Variants in NAV3 observed in about 807,000 individuals in gnomAD.
The protein encoded by NAV3 is neuron navigator 3.
In NAV3, 87 loss-of-function variants were observed where a neutral mutation model predicts 244.7. The ratio of observed to expected loss-of-function variants is 0.36; its 90% CI spans 0.30 to 0.42. The LOEUF is 0.42. Ranked by LOEUF, NAV3 falls within the 20% of genes least tolerant of loss-of-function variation. The pLI is 1.00. For synonymous variants in NAV3, 1,126 were observed against 1,042.2 expected (o/e 1.08, Z -1.55); for missense variants, 2,663 against 2,893.3 (o/e 0.92, Z 1.83).
At chr12:78,127,070 A>G in intron 16 of NAV3, 97 bp from the exon 17 acceptor site, 1 of 1,237,024 alleles carries the variant, frequency 8.1e-7, no homozygotes, top group Admixed American at 2.1e-5. Flanking sequence ...GTTACCAAAA[A>G]ATTATTTTTT....
At chr12:78,142,005 A>T (rs1277722440) in intron 20 of NAV3, among the ~76,000 whole-genome samples, 1 of 152,160 alleles carries the variant, frequency 6.6e-6, no homozygotes, top group Admixed American at 6.5e-5. Context: ...AGAAAAATAC[A>T]CTTAGATAGA....
At chr12:77,914,937 A>T (rs1164784309) in intron 1 of NAV3, among the ~76,000 whole-genome samples, 1 of 151,660 alleles carries the variant, frequency 6.6e-6, no homozygotes, top group African/African-American at 2.4e-5. Context: ...AAATGGTTTT[A>T]AAAAATCCAA....
rs2138623115 is a variant in NAV3 at position 78,119,638 on chromosome 12, G to A, written c.3442G>A (p.Gly1148Ser). Reference sequence around the variant, plus strand: ...CCGCCCTTCAAAATCCAGCACCAGTGGCATTCCTGGCCGAGGAGGCCACAG... The same window carrying A: ...CCGCCCTTCAAAATCCAGCACCAGTAGCATTCCTGGCCGAGGAGGCCACAG... The part of the protein sequence containing the change: ...LPRPSKSSTS[G>S]IPGRGGHRSS... The change falls in exon 15 of 40, where the codon GGC (glycine) becomes AGC (serine). Residue 1148 changes from glycine (G) to serine (S), a missense_variant. Coordinates refer to ENST00000397909, the MANE Select transcript of NAV3 (RefSeq NM_001024383.2). 1 of 1,614,136 alleles carries A rather than the reference G, an allele frequency of 6.2e-7. No individual in the cohort carries two copies. The highest frequency in any genetic ancestry group is 8.5e-7 in the Non-Finnish European group (1 of 1,180,032).
chr12:78,025,497 G>C lies in NAV3; in HGVS notation c.2023+3635G>C, dbSNP rs934945567. ...TGTAGTCCCAGATACTTGGGAGGCT[G>C]AGGCAGGAGAATCACTTGAACCTGG... On this transcript the variant is annotated intron_variant, in intron 9 of 39. Coordinates refer to ENST00000397909, the MANE Select transcript of NAV3 (RefSeq NM_001024383.2). 2.7e-5 allele frequency among the ~76,000 whole-genome samples: 4 copies of C among 148,878 alleles called. No homozygotes were observed. In the Admixed American group the frequency reaches 2.7e-4, roughly 10 times the overall value.
At chr12:78,024,829 G>A (rs188190681) in intron 9 of NAV3, among the ~76,000 whole-genome samples, 1 of 152,116 alleles carries the variant, frequency 6.6e-6, no homozygotes, top group East Asian at 1.9e-4. Flanking sequence ...CAAAAAAATA[G>A]CCAGGCATGG....
At chr12:78,058,417 T>A (rs1401345129) in intron 11 of NAV3, among the ~76,000 whole-genome samples, 1 of 152,074 alleles carries the variant, frequency 6.6e-6, no homozygotes, top group African/African-American at 2.4e-5. Context: ...GGGAAAACTA[T>A]CCCCGTTATT....
chr12:77,886,044 T>C (rs1219413008), intron 1 of NAV3, among the ~76,000 whole-genome samples: 1 of 152,144 alleles, frequency 6.6e-6, no homozygotes, highest in Non-Finnish European at 1.5e-5. Flanking sequence ...TGTCAATTAT[T>C]ATCATCTCTC....
At chr12:77,888,393 T>A (rs1883544527) in intron 1 of NAV3, among the ~76,000 whole-genome samples, 1 of 151,990 alleles carries the variant, frequency 6.6e-6, no homozygotes, top group African/African-American at 2.4e-5. Flanking sequence ...AGGAGGATTG[T>A]TTTGGCCTAG....
At chr12:77,929,696 G>A (rs1888582722) in intron 1 of NAV3, among the ~76,000 whole-genome samples, 1 of 151,326 alleles carries the variant, frequency 6.6e-6, no homozygotes, top group African/African-American at 2.4e-5. Flanking sequence ...GCAGCAGCAT[G>A]ATCTCGGCTC....
At chr12:77,711,819 A>G (rs1214781907) in intron 2 of NAV3, among the ~76,000 whole-genome samples, 1 of 152,180 alleles carries the variant, frequency 6.6e-6, no homozygotes, top group East Asian at 1.9e-4. Flanking sequence ...CCAAGCCCCT[A>G]TCATGACCCA....
At chr12:77,791,223 C>T (rs774657167) in intron 2 of NAV3, among the ~76,000 whole-genome samples, 4 of 151,728 alleles carry the variant, frequency 2.6e-5, no homozygotes, top group Non-Finnish European at 2.9e-5. Context: ...GCATGGTGAT[C>T]GGTGCCTGTA....
At chr12:77,578,183 A>G (rs1345637782) in intron 2 of NAV3, among the ~76,000 whole-genome samples, 2 of 152,202 alleles carry the variant, frequency 1.3e-5, no homozygotes, top group East Asian at 3.8e-4. Flanking sequence ...TTCTGAGTAT[A>G]TTCTGAGGAC....
rs1382639 is a variant in NAV3 at position 77,940,414 on chromosome 12, A to G, written c.339A>G (p.Leu113=). Residue 113 remains leucine, a synonymous_variant, in exon 2 of 40, where the codon CTA becomes CTG. Transcript: ENST00000397909. ...AAGACATTGCAGATGGAGTACTCCTAGCAGAAATCATCCAGATTATTGGTA... is the reference window on the plus strand; with the variant it reads ...AAGACATTGCAGATGGAGTACTCCTGGCAGAAATCATCCAGATTATTGGTA... ...LQQDIADGVL[L]AEIIQIIANE... is the part of the protein sequence containing the mutation. The G allele has an allele frequency of 0.12, 185,842 of 1,612,378 alleles. 11,542 individuals carry two copies. Among genetic ancestry groups the G allele is most frequent in the East Asian group, 0.2 (8,997 of 44,838 alleles).
At chr12:78,111,211 A>G (rs1304509024) in intron 12 of NAV3, among the ~76,000 whole-genome samples, 4 of 152,256 alleles carry the variant, frequency 2.6e-5, no homozygotes, top group Non-Finnish European at 5.9e-5. Flanking sequence ...CAAAATCACT[A>G]TGCACTATAT....
At chr12:77,662,520 T>C (rs1259633913) in intron 2 of NAV3, among the ~76,000 whole-genome samples, 1 of 152,114 alleles carries the variant, frequency 6.6e-6, no homozygotes, top group African/African-American at 2.4e-5. Context: ...AGTCTAATTC[T>C]GAAATTCTCC....
intron 2 of NAV3, among the ~76,000 whole-genome samples, chr12:77,802,309 C>G (rs149990719): frequency 1.3e-4 from 20 of 152,236 alleles, no homozygotes; most frequent in African/African-American, 4.6e-4. Flanking sequence ...AAAAGAGACA[C>G]GAGTAACTTT....
At chr12:77,930,262 A>G (rs1363512039) in intron 1 of NAV3, among the ~76,000 whole-genome samples, 2 of 152,270 alleles carry the variant, frequency 1.3e-5, no homozygotes, top group East Asian at 3.9e-4. Flanking sequence ...TATAATTTTC[A>G]GTGAAATCTA....
intron 2 of NAV3, among the ~76,000 whole-genome samples, chr12:77,634,429 C>A (rs555734876): frequency 2.6e-5 from 4 of 152,246 alleles, no homozygotes; most frequent in Admixed American, 2.0e-4. Flanking sequence ...GTAATAATTT[C>A]TTTGTTTTAA....
intron 1 of NAV3, among the ~76,000 whole-genome samples, chr12:77,928,002 C>A (rs1014328269): frequency 2.0e-5 from 3 of 151,848 alleles, no homozygotes; most frequent in African/African-American, 7.3e-5. Context: ...GAGCATATTG[C>A]CTGAAGTCTG....
Sources: gnomAD v4.1 joint callset for allele counts (sites outside exome capture counted in the v4.1 genomes callset) on GRCh38, gnomAD v4.1.1 for gene constraint, MANE v1.5 for transcripts, NCBI Gene and HGNC (gene_info 2026-07-23, HGNC 2026-07-21) for gene names.